Variants in GCNT1 observed in about 807,000 individuals in gnomAD.
The protein encoded by GCNT1 is beta-1,3-galactosyl-O-glycosyl-glycoprotein beta-1,6-N-acetylglucosaminyltransferase.
In GCNT1, 16 loss-of-function variants were observed where a neutral mutation model predicts 26.2. The observed-to-expected ratio is 0.61, with a 90% CI of 0.41 to 0.93. The LOEUF is 0.93. Ranked by LOEUF, GCNT1 falls within the 40% of genes least tolerant of loss-of-function variation. The pLI, the probability that GCNT1 is intolerant of heterozygous loss-of-function variation, is 0.00. For missense variants in GCNT1, 477 were observed against 526.7 expected, an observed-to-expected ratio of 0.91 and a Z score of 0.92; for synonymous variants, 183 against 190.8, an observed-to-expected ratio of 0.96 and a Z score of 0.34.
chr9:76,450,212 T>G (rs1261251468), intron 1 of GCNT1, among the ~76,000 whole-genome samples: 1 of 152,224 alleles, frequency 6.6e-6, no homozygotes, highest in African/African-American at 2.4e-5. Context: ...ATCTTAACAT[T>G]CCTTTACTCC....
intron 2 of GCNT1, among the ~76,000 whole-genome samples, chr9:76,497,572 A>T (rs898995707): frequency 4.6e-5 from 7 of 152,228 alleles, no homozygotes; most frequent in Non-Finnish European, 1.0e-4. Context: ...CGTTGTAAAA[A>T]GCGTTTTTCA....
chr9:76,476,223 A>C (rs956624935), intron 2 of GCNT1, among the ~76,000 whole-genome samples: 1 of 152,198 alleles, frequency 6.6e-6, no homozygotes, highest in Non-Finnish European at 1.5e-5. Context: ...TAGGAGGCTC[A>C]AGTACTTAAA....
At chr9:76,442,235 C>T (rs1485043594) in exon 1 of GCNT1, 1 of 152,230 alleles carries the variant, frequency 6.6e-6, no homozygotes, top group Non-Finnish European at 1.5e-5. Context: ...TCCTCTAAAG[C>T]TCCCAGAAAG....
At chr9:76,403,812 G>A in the GCNT1 span, among the ~76,000 whole-genome samples, 1 of 152,164 alleles carries the variant, frequency 6.6e-6, no homozygotes, top group Non-Finnish European at 1.5e-5. Context: ...AGAAAAAGGA[G>A]GAGAAGAGCA....
At chr9:76,441,064 C>CAAAAAAAAAAAA (rs758094129), upstream of GCNT1, among the ~76,000 whole-genome samples, 2 of 129,494 alleles carry the variant, frequency 1.5e-5, no homozygotes, top group African/African-American at 2.8e-5. Flanking sequence ...GACTCCATCT[C>CAAAAAAAAAAAA]AAAAAAAAAC....
chr9:76,422,181 A>G (rs1290650608), intron 1 of GCNT1, among the ~76,000 whole-genome samples: 2 of 152,094 alleles, frequency 1.3e-5, no homozygotes, highest in African/African-American at 4.8e-5. Flanking sequence ...AATACCTCCC[A>G]CCGGGTCCCT....
chr9:76,425,125 C>G (rs1209599619), intron 1 of GCNT1, among the ~76,000 whole-genome samples: 2 of 92,520 alleles, frequency 2.2e-5, no homozygotes, highest in African/African-American at 8.7e-5. Context: ...GATGACAGAA[C>G]GAAACTCCGT....
intron 2 of GCNT1, among the ~76,000 whole-genome samples, chr9:76,472,214 C>T (rs1418708120): frequency 9.9e-5 from 15 of 152,106 alleles, no homozygotes; most frequent in Admixed American, 3.3e-4. Flanking sequence ...ACCCGGGAGG[C>T]GGAGGATGCA....
At chr9:76,421,319 G>A (rs895347491) in intron 1 of GCNT1, among the ~76,000 whole-genome samples, 15 of 152,064 alleles carry the variant, frequency 9.9e-5, no homozygotes, top group African/African-American at 3.4e-4. Context: ...GTAAATGTTG[G>A]CTGGGCACAG....
intron 2 of GCNT1, among the ~76,000 whole-genome samples, chr9:76,481,616 G>A (rs935267484): frequency 1.3e-5 from 2 of 151,926 alleles, no homozygotes; most frequent in Non-Finnish European, 2.9e-5. Context: ...TACCTGTAAG[G>A]CTTTTTAAAA....
chr9:76,493,944 A>G (rs1236677038), intron 2 of GCNT1, among the ~76,000 whole-genome samples: 1 of 151,962 alleles, frequency 6.6e-6, no homozygotes, highest in Non-Finnish European at 1.5e-5. Context: ...AAAATAAGCC[A>G]CTTCTTTTTC....
At chr9:76,433,553 C>T (rs1480376098) in intron 1 of GCNT1, among the ~76,000 whole-genome samples, 1 of 152,106 alleles carries the variant, frequency 6.6e-6, no homozygotes, top group African/African-American at 2.4e-5. Context: ...TTTGGAGAGG[C>T]CAGCCAGACC....
At chr9:76,463,238 A>T (rs1313754003) in intron 2 of GCNT1, among the ~76,000 whole-genome samples, 2 of 152,066 alleles carry the variant, frequency 1.3e-5, no homozygotes, top group Non-Finnish European at 2.9e-5. Flanking sequence ...AATTTGTAAA[A>T]CTCAGGACTG....
intron 1 of GCNT1, among the ~76,000 whole-genome samples, chr9:76,425,756 A>G (rs1823251294): frequency 6.6e-6 from 1 of 152,144 alleles, no homozygotes; most frequent in South Asian, 2.1e-4. Flanking sequence ...GTTTTTAAGG[A>G]CAATTTGGTG....
At chr9:76,458,493 T>A (rs897514183), upstream of GCNT1, among the ~76,000 whole-genome samples, 1 of 149,282 alleles carries the variant, frequency 6.7e-6, no homozygotes, top group African/African-American at 2.5e-5. Flanking sequence ...GAATTTTTTT[T>A]AAACAACATG....
intron 1 of GCNT1, among the ~76,000 whole-genome samples, chr9:76,428,893 T>C (rs1462177664): frequency 6.6e-6 from 1 of 151,996 alleles, no homozygotes; most frequent in Admixed American, 6.6e-5. Context: ...AGAGACGAGG[T>C]TTCTCCGTGT....
chr9:76,503,255 A>C lies in GCNT1; in HGVS notation c.874A>C (p.Ser292Arg). ...TTCTGGCAGTGCCTACTTCGTGGTC[A>C]GTAGGGAGTATGTGGGGTATGTACT... ...LFSGSAYFVVSREYVGYVLQN... is the reference protein window; with the variant it reads ...LFSGSAYFVVRREYVGYVLQN... The change falls in exon 4 of 4, where the codon AGT becomes CGT. Residue 292 changes from serine (S) to arginine (R), a missense_variant. Coordinates refer to ENST00000376730, the MANE Select transcript of GCNT1 (RefSeq NM_001490.5). 1.2e-6 allele frequency: 2 copies of C among 1,614,190 alleles called. No homozygotes were observed. Among genetic ancestry groups the C allele is most frequent in the Non-Finnish European group, 1.7e-6 (2 of 1,180,028 alleles).
At position 76,503,484 on chromosome 9, in the gene GCNT1, C is replaced by T. The variant is rs147866228; in HGVS notation, c.1103C>T (p.Pro368Leu). Residue 368 changes from proline to leucine, a missense_variant, in exon 4 of 4, where the codon CCC becomes CTC. Pro to Leu is a moderately conservative substitution (Grantham distance 98). Coordinates refer to ENST00000376730, the MANE Select transcript of GCNT1 (RefSeq NM_001490.5). ...YFEGDVSKGA[P>L]YPPCDGVHVR... Reference sequence around the variant, plus strand: ...GAGGGTGATGTTTCCAAGGGTGCTCCCTACCCGCCCTGCGATGGAGTCCAT... The same window carrying T: ...GAGGGTGATGTTTCCAAGGGTGCTCTCTACCCGCCCTGCGATGGAGTCCAT... 10,865 of 1,614,144 alleles carry T rather than the reference C, an allele frequency of 6.7e-3. 48 individuals are homozygous for T. The highest frequency in any genetic ancestry group is 8.0e-3 in the Non-Finnish European group (9,457 of 1,180,030).
chr9:76,415,286 G>A (rs990740854), upstream of GCNT1, among the ~76,000 whole-genome samples: 9 of 152,146 alleles, frequency 5.9e-5, no homozygotes, highest in African/African-American at 1.9e-4. Flanking sequence ...TGAATTCCTG[G>A]GCTCAAGCAA....
Sources: allele counts gnomAD v4.1 joint callset (sites outside exome capture counted in the v4.1 genomes callset), GRCh38; gene constraint gnomAD v4.1.1; transcripts MANE v1.5; gene names NCBI Gene and HGNC (gene_info 2026-07-23, HGNC 2026-07-21).